CPNE8: variants seen among roughly 807,000 people sequenced by gnomAD.
CPNE8 encodes the protein copine 8.
Under a neutral mutation model 81.5 loss-of-function variants are expected in CPNE8, and 45 were observed. That is an observed-to-expected ratio of 0.55 (90% confidence interval 0.44 to 0.71). The LOEUF is 0.71. CPNE8 is among the 30% of genes least tolerant of loss of function. The pLI is 0.00. For synonymous variants in CPNE8, 252 were observed against 226.3 expected, an observed-to-expected ratio of 1.11 and a Z score of -1.02; for missense variants, 594 against 672.1, an observed-to-expected ratio of 0.88 and a Z score of 1.28.
At chr12:38,680,634 C>T (rs1939389219) in intron 16 of CPNE8, among the ~76,000 whole-genome samples, 1 of 151,962 alleles carries the variant, frequency 6.6e-6, no homozygotes, top group South Asian at 2.1e-4. Flanking sequence ...ATTTTATCAT[C>T]AGCAAAATGG....
At chr12:38,721,807 G>A (rs543044701) in intron 13 of CPNE8, among the ~76,000 whole-genome samples, 22 of 152,292 alleles carry the variant, frequency 1.4e-4, no homozygotes, top group Non-Finnish European at 2.2e-4. Flanking sequence ...TGAATTCCCC[G>A]GTGCCAGCCA....
intron 1 of CPNE8, among the ~76,000 whole-genome samples, chr12:38,875,670 AC>A (rs1472730800): frequency 6.6e-6 from 1 of 152,216 alleles, no homozygotes. Context: ...CACTGAAAAA[AC>A]AAAAACATAT....
At chr12:38,678,334 A>T (rs1213785439) in intron 16 of CPNE8, among the ~76,000 whole-genome samples, 2 of 152,024 alleles carry the variant, frequency 1.3e-5, no homozygotes, top group African/African-American at 2.4e-5. Flanking sequence ...TGAATATGTT[A>T]CATTTCATTA....
intron 14 of CPNE8, among the ~76,000 whole-genome samples, chr12:38,699,731 C>T (rs2136684460): frequency 6.6e-6 from 1 of 152,188 alleles, no homozygotes; most frequent in East Asian, 1.9e-4. Flanking sequence ...TGAACTATAG[C>T]ATTTTCTGCG....
Position 38,721,611 on chromosome 12 carries a change from G to A in CPNE8, c.914+2161C>T, listed in dbSNP as rs573219543. On this transcript the variant is annotated intron_variant, in intron 13 of 19. Transcript: ENST00000331366. Reference sequence around the variant, plus strand: ...AACTTGGGACCTGCCAACTGGCGGAGCTAAACAAACTACAACACAAGCAGG... The same window carrying A: ...AACTTGGGACCTGCCAACTGGCGGAACTAAACAAACTACAACACAAGCAGG... 2.4e-4 allele frequency among the ~76,000 whole-genome samples: 37 copies of A among 152,330 alleles called. No individual in the cohort carries two copies. The South Asian group carries it at 7.7e-3, about 32-fold the overall frequency.
Position 38,799,145 on chromosome 12 carries a change from C to T in CPNE8, c.408-22844G>A, listed in dbSNP as rs80071054. On this transcript the variant is annotated intron_variant, in intron 6 of 19. Coordinates refer to ENST00000331366, the MANE Select transcript of CPNE8 (RefSeq NM_153634.3). ...GTCAACATTAGACAGATCAACGAGA[C>T]AGAAAGTTAACAAGCATACCCGGGA... 2.6e-5 allele frequency among the ~76,000 whole-genome samples: 4 copies of T among 152,232 alleles called. No homozygotes were observed. The East Asian group carries it at 5.8e-4, about 22-fold the overall frequency.
chr12:38,769,090 T>C (rs572370926), intron 7 of CPNE8, among the ~76,000 whole-genome samples: 1 of 152,318 alleles, frequency 6.6e-6, no homozygotes, highest in Admixed American at 6.5e-5. Flanking sequence ...CTCATTTTCT[T>C]ACTTAGCAAA....
intron 3 of CPNE8, among the ~76,000 whole-genome samples, chr12:38,857,892 G>A (rs767522587): frequency 7.9e-5 from 12 of 152,194 alleles, no homozygotes; most frequent in Admixed American, 3.9e-4. Flanking sequence ...GCAAGACTCT[G>A]TCTAAAAATA....
intron 5 of CPNE8, among the ~76,000 whole-genome samples, chr12:38,833,351 CAAAAAAA>C (rs774534221): frequency 4.8e-5 from 3 of 61,872 alleles, no homozygotes; most frequent in African/African-American, 1.0e-4. Flanking sequence ...GACCTTATCT[CAAAAAAA>C]AAAAAAAAAA....
At chr12:38,671,663 A>C (rs1239150877) in intron 18 of CPNE8, among the ~76,000 whole-genome samples, 1 of 152,156 alleles carries the variant, frequency 6.6e-6, no homozygotes, top group Non-Finnish European at 1.5e-5. Flanking sequence ...AGCCGCTTAC[A>C]ATTATAATTT....
intron 6 of CPNE8, among the ~76,000 whole-genome samples, chr12:38,793,281 T>A (rs539128913): frequency 4.0e-5 from 6 of 151,410 alleles, no homozygotes; most frequent in Admixed American, 1.3e-4. Flanking sequence ...AATAAAATTA[T>A]CTCTGTTTAC....
At chr12:38,749,317 T>C (rs922825876) in intron 10 of CPNE8, among the ~76,000 whole-genome samples, 2 of 152,170 alleles carry the variant, frequency 1.3e-5, no homozygotes, top group Non-Finnish European at 2.9e-5. Context: ...CTTTTGTAAA[T>C]TGCCCAGTTT....
chr12:38,657,970 A>C (rs1029979142), intron 19 of CPNE8, among the ~76,000 whole-genome samples: 9 of 152,208 alleles, frequency 5.9e-5, no homozygotes, highest in African/African-American at 2.2e-4. Context: ...TGAAAATTCT[A>C]AAAACCAGAG....
In CPNE8 at chr12:38,829,473, A is replaced by G; in HGVS notation, c.331-18T>C. The G allele has an allele frequency of 1.3e-6, 2 of 1,557,790 alleles. No individual in the cohort carries two copies. Among genetic ancestry groups the G allele is most frequent in the African/African-American group, 1.4e-5 (1 of 73,982 alleles). On this transcript the variant is annotated intron_variant, in intron 5 of 19. Transcript: ENST00000331366. ...AGAAAGTCCTGAAATAGATAAAAAG[A>G]TTAAAGCTCATAAGTTTCCAAACTA...
chr12:38,818,528 A>G (rs1943063510), intron 6 of CPNE8, among the ~76,000 whole-genome samples: 1 of 152,136 alleles, frequency 6.6e-6, no homozygotes, highest in Non-Finnish European at 1.5e-5. Flanking sequence ...TAACCAGTCT[A>G]TCATTGATGG....
At chr12:38,726,921 T>C (rs1279317375) in intron 11 of CPNE8, among the ~76,000 whole-genome samples, 4 of 152,214 alleles carry the variant, frequency 2.6e-5, no homozygotes, top group African/African-American at 9.6e-5. Context: ...GATGTTTTCA[T>C]TTAATCATAT....
At chr12:38,838,349 A>G (rs539820763) in intron 5 of CPNE8, among the ~76,000 whole-genome samples, 2 of 152,242 alleles carry the variant, frequency 1.3e-5, no homozygotes, top group East Asian at 1.9e-4. Context: ...AGAAAGAGAA[A>G]TGGAGAGAAT....
intron 5 of CPNE8, among the ~76,000 whole-genome samples, chr12:38,830,122 G>A (rs4768388): frequency 0.38 from 57,421 of 151,846 alleles, 12,995 homozygotes; most frequent in Non-Finnish European, 0.51. Flanking sequence ...ACATACAACC[G>A]TATGATTCTT....
intron 13 of CPNE8, among the ~76,000 whole-genome samples, chr12:38,710,212 A>T (rs914662346): frequency 1.6e-5 from 2 of 126,770 alleles, no homozygotes; most frequent in African/African-American, 5.8e-5. Context: ...AAAATTGCCA[A>T]CCTCTTTTCT....
Sources: gnomAD v4.1 joint callset for allele counts (sites outside exome capture counted in the v4.1 genomes callset) on GRCh38, gnomAD v4.1.1 for gene constraint, MANE v1.5 for transcripts, NCBI Gene and HGNC (gene_info 2026-07-23, HGNC 2026-07-21) for gene names.